Variants in KCNN2 observed in about 807,000 individuals in gnomAD.
KCNN2 encodes the protein small conductance calcium-activated potassium channel protein 2.
In KCNN2, 24 loss-of-function variants were observed where a neutral mutation model predicts 55.5. That is an observed-to-expected ratio of 0.43 (90% CI 0.31 to 0.61). KCNN2 has a LOEUF of 0.61. KCNN2 is among the 20% of genes least tolerant of loss of function. The pLI is 0.08. For synonymous variants in KCNN2, 431 were observed against 336.1 expected (o/e 1.28, Z -3.09); for missense variants, 754 against 853.6 (o/e 0.88, Z 1.45).
intron 3 of KCNN2, among the ~76,000 whole-genome samples, chr5:114,424,211 A>G (rs1250876595): frequency 6.6e-6 from 1 of 152,214 alleles, no homozygotes; most frequent in African/African-American, 2.4e-5. Flanking sequence ...AATTCAAAAA[A>G]CCAAACACTT....
intron 1 of KCNN2, among the ~76,000 whole-genome samples, chr5:114,190,055 T>TA (rs763166078): frequency 2.0e-5 from 3 of 151,970 alleles, no homozygotes; most frequent in African/African-American, 7.3e-5. Context: ...GATGAAAAAA[T>TA]AAAAAATTGA....
intron 2 of KCNN2, among the ~76,000 whole-genome samples, chr5:114,313,144 A>T (rs1412264538): frequency 6.6e-6 from 1 of 152,084 alleles, no homozygotes; most frequent in African/African-American, 2.4e-5. Context: ...TCAGACATTT[A>T]TTCTGAAAGC....
At chr5:114,402,655 C>T (rs1758821654) in intron 2 of KCNN2, among the ~76,000 whole-genome samples, 1 of 152,092 alleles carries the variant, frequency 6.6e-6, no homozygotes, top group Non-Finnish European at 1.5e-5. Flanking sequence ...GGGGAAAGTG[C>T]ATGCTGAGAG....
intron 2 of KCNN2, among the ~76,000 whole-genome samples, chr5:114,280,684 G>T (rs1350295237): frequency 6.6e-6 from 1 of 152,152 alleles, no homozygotes; most frequent in East Asian, 1.9e-4. Context: ...TGACACTGCA[G>T]TAGCCTGGTA....
chr5:114,279,734 A>G lies in KCNN2; in HGVS notation c.-185+58169A>G, dbSNP rs575854707. 9.9e-5 allele frequency among the ~76,000 whole-genome samples: 15 copies of G among 152,142 alleles called. No homozygotes were observed. In the South Asian group the frequency reaches 1.5e-3, roughly 15 times the overall value. On this transcript the variant is annotated intron_variant, in intron 2 of 10. Coordinates refer to the KCNN2 transcript ENST00000512097. ...TGTGGGTTGGTTCCAAGTCTTTGCT[A>G]TTGTGAATAGTGCCGCAATAAACAT... is the stretch of plus-strand genomic sequence containing the variant.
At chr5:114,200,354 CT>C (rs959673157) in intron 1 of KCNN2, among the ~76,000 whole-genome samples, 27 of 148,012 alleles carry the variant, frequency 1.8e-4, no homozygotes, top group Admixed American at 2.7e-4. Context: ...AGAATTTCTG[CT>C]TTTTTTTTTC....
upstream of KCNN2, among the ~76,000 whole-genome samples, chr5:114,360,659 G>C (rs1757390831): frequency 6.6e-6 from 1 of 152,162 alleles, no homozygotes; most frequent in African/African-American, 2.4e-5. Context: ...CTTAGAAGAA[G>C]ACAGCACAGG....
chr5:114,061,334 G>C (rs942440626), intron 1 of KCNN2, among the ~76,000 whole-genome samples: 11 of 152,136 alleles, frequency 7.2e-5, no homozygotes, highest in Non-Finnish European at 1.0e-4. Flanking sequence ...ATAGTAATAT[G>C]GTGGTCCCTT....
chr5:114,148,707 T>C (rs964883769), intron 1 of KCNN2, among the ~76,000 whole-genome samples: 6 of 152,108 alleles, frequency 3.9e-5, no homozygotes, highest in Non-Finnish European at 7.4e-5. Context: ...GGCAATGGCT[T>C]AGTAGAAGAA....
intron 1 of KCNN2, among the ~76,000 whole-genome samples, chr5:114,149,617 A>G (rs1170935104): frequency 6.6e-6 from 1 of 152,070 alleles, no homozygotes; most frequent in African/African-American, 2.4e-5. Context: ...GAATGAAGTA[A>G]TTCTTTAACA....
chr5:114,107,633 T>A (rs1021693286), intron 1 of KCNN2, among the ~76,000 whole-genome samples: 13 of 151,990 alleles, frequency 8.6e-5, no homozygotes, highest in African/African-American at 3.1e-4. Flanking sequence ...TGAGCTGAAG[T>A]GATCTTCCCA....
chr5:114,136,035 A>G (rs1752167316), intron 1 of KCNN2, among the ~76,000 whole-genome samples: 1 of 152,226 alleles, frequency 6.6e-6, no homozygotes. Flanking sequence ...AATTTCCAGA[A>G]TTAAAGAATT....
At chr5:114,137,634 G>A (rs1752200903) in intron 1 of KCNN2, among the ~76,000 whole-genome samples, 1 of 152,110 alleles carries the variant, frequency 6.6e-6, no homozygotes, top group African/African-American at 2.4e-5. Flanking sequence ...ATTCTTATAT[G>A]AGACTTGGAG....
intron 3 of KCNN2, among the ~76,000 whole-genome samples, chr5:114,405,676 G>A (rs183990213): frequency 2.0e-5 from 3 of 151,900 alleles, no homozygotes; most frequent in East Asian, 3.9e-4. Flanking sequence ...TGAAAGTTCA[G>A]ATGTTAGTCT....
intron 1 of KCNN2, among the ~76,000 whole-genome samples, chr5:114,182,694 A>G (rs996471807): frequency 1.3e-5 from 2 of 152,108 alleles, no homozygotes; most frequent in Non-Finnish European, 2.9e-5. Flanking sequence ...ATATGTAACA[A>G]TACAACTTAT....
chr5:114,237,120 C>T (rs772439583), intron 2 of KCNN2, among the ~76,000 whole-genome samples: 2 of 152,086 alleles, frequency 1.3e-5, no homozygotes, highest in Non-Finnish European at 2.9e-5. Context: ...ATATCTGGAT[C>T]ACAGGAGCTA....
chr5:114,116,069 G>A (rs4077668), intron 1 of KCNN2, among the ~76,000 whole-genome samples: 2,461 of 152,208 alleles, frequency 0.016, 76 homozygotes, highest in African/African-American at 0.057. Context: ...AGAGTTTAGC[G>A]AGCAGAAGAA....
chr5:114,299,205 CTA>C (rs1339504503), intron 2 of KCNN2, among the ~76,000 whole-genome samples: 2 of 151,766 alleles, frequency 1.3e-5, no homozygotes, highest in South Asian at 2.1e-4. Context: ...GCTGCCTCCT[CTA>C]TGTTTGTCAG....
chr5:114,087,615 A>C (rs1751044490), intron 1 of KCNN2, among the ~76,000 whole-genome samples: 1 of 151,960 alleles, frequency 6.6e-6, no homozygotes, highest in Non-Finnish European at 1.5e-5. Flanking sequence ...TTATTTATGT[A>C]ATCTTTGATA....
Sources: allele counts gnomAD v4.1 joint callset (sites outside exome capture counted in the v4.1 genomes callset), GRCh38; gene constraint gnomAD v4.1.1; transcripts MANE v1.5; gene names NCBI Gene and HGNC (gene_info 2026-07-23, HGNC 2026-07-21).